Variants in SGCZ observed in about 807,000 individuals in gnomAD.
The protein encoded by SGCZ is zeta-sarcoglycan.
A neutral mutation model predicts 41.3 loss-of-function variants in SGCZ; 40 were observed. The ratio of observed to expected loss-of-function variants is 0.97; its 90% CI spans 0.75 to 1.26. The LOEUF is 1.26. SGCZ is among the 50% of genes most tolerant of loss of function. SGCZ has a pLI of 0.00. For synonymous variants in SGCZ, 206 were observed against 137.5 expected, an observed-to-expected ratio of 1.50 and a Z score of -3.49; for missense variants, 552 against 369.8, an observed-to-expected ratio of 1.49 and a Z score of -4.04.
At chr8:14,668,730 G>A (rs1235638300) in intron 1 of SGCZ, among the ~76,000 whole-genome samples, 1 of 152,178 alleles carries the variant, frequency 6.6e-6, no homozygotes, top group Non-Finnish European at 1.5e-5. Flanking sequence ...GAATTTATAT[G>A]AGGGGGTGAG....
chr8:15,167,150 A>G (rs1799689068), intron 1 of SGCZ, among the ~76,000 whole-genome samples: 1 of 152,234 alleles, frequency 6.6e-6, no homozygotes, highest in African/African-American at 2.4e-5. Context: ...AAATTTGGAA[A>G]CTATCTGTGA....
chr8:14,906,381 G>T (rs1261060360), intron 1 of SGCZ, among the ~76,000 whole-genome samples: 1 of 152,078 alleles, frequency 6.6e-6, no homozygotes, highest in African/African-American at 2.4e-5. Flanking sequence ...TTACAAAAGA[G>T]TAAAAGTCCA....
intron 1 of SGCZ, among the ~76,000 whole-genome samples, chr8:15,174,848 A>G (rs1799950472): frequency 6.6e-6 from 1 of 152,190 alleles, no homozygotes; most frequent in Non-Finnish European, 1.5e-5. Flanking sequence ...AAAACATAAC[A>G]CATGCTGGTA....
chr8:14,211,627 G>A (rs988619443), intron 4 of SGCZ, among the ~76,000 whole-genome samples: 1 of 151,644 alleles, frequency 6.6e-6, no homozygotes, highest in Non-Finnish European at 1.5e-5. Context: ...GGGCAGGGAA[G>A]CACGTCTTAC....
At chr8:15,122,660 T>G (rs951043418) in intron 1 of SGCZ, among the ~76,000 whole-genome samples, 2 of 152,198 alleles carry the variant, frequency 1.3e-5, no homozygotes, top group Admixed American at 1.3e-4. Flanking sequence ...CTTATTGATG[T>G]TATCTAATTT....
intron 1 of SGCZ, among the ~76,000 whole-genome samples, chr8:14,562,180 G>T (rs1180843740): frequency 6.6e-6 from 1 of 152,066 alleles, no homozygotes; most frequent in Non-Finnish European, 1.5e-5. Context: ...TAGTGCCCAG[G>T]AAATTTACTA....
At chr8:14,663,676 G>A (rs1002534637) in intron 1 of SGCZ, among the ~76,000 whole-genome samples, 2 of 152,012 alleles carry the variant, frequency 1.3e-5, no homozygotes, top group African/African-American at 4.8e-5. Flanking sequence ...TTTTTTCACA[G>A]GCTTATAGCC....
At chr8:14,135,165 A>G (rs1803158696) in intron 5 of SGCZ, among the ~76,000 whole-genome samples, 1 of 152,230 alleles carries the variant, frequency 6.6e-6, no homozygotes, top group Admixed American at 6.5e-5. Flanking sequence ...CCTAGAATAT[A>G]ATAGAGTACT....
Position 14,227,874 on chromosome 8 carries a change from G to T in SGCZ, c.424+9718C>A, listed in dbSNP as rs193252823. Among the ~76,000 whole-genome samples the T allele has an allele frequency of 7.2e-5, 11 of 152,098 alleles. No individual in the cohort carries two copies. The East Asian group carries it at 2.1e-3, about 29-fold the overall frequency. On this transcript the variant is annotated intron_variant, in intron 4 of 7. Transcript: ENST00000382080. ...AATAGACACAAAATCTAAAGTGAAA[G>T]TCAGGACAAAAACGTAACTGTAGTT...
chr8:14,893,373 G>C (rs1805086508), intron 1 of SGCZ, among the ~76,000 whole-genome samples: 1 of 152,226 alleles, frequency 6.6e-6, no homozygotes, highest in African/African-American at 2.4e-5. Context: ...AGTCCGATGA[G>C]AGCCACGTCA....
chr8:14,856,698 G>A (rs747149944), intron 1 of SGCZ, among the ~76,000 whole-genome samples: 1 of 152,136 alleles, frequency 6.6e-6, no homozygotes, highest in South Asian at 2.1e-4. Flanking sequence ...GAGTCACTGG[G>A]CAGGGGGCTT....
At chr8:14,955,645 A>G (rs1042360404) in intron 1 of SGCZ, among the ~76,000 whole-genome samples, 7 of 152,206 alleles carry the variant, frequency 4.6e-5, no homozygotes, top group Non-Finnish European at 8.8e-5. Flanking sequence ...GTTACTAAAA[A>G]GGTTGATTTT....
chr8:14,958,986 C>T (rs1800881125), intron 1 of SGCZ, among the ~76,000 whole-genome samples: 1 of 151,912 alleles, frequency 6.6e-6, no homozygotes, highest in Non-Finnish European at 1.5e-5. Context: ...AATGTTTGAA[C>T]AAAATAAAAC....
intron 1 of SGCZ, among the ~76,000 whole-genome samples, chr8:15,235,582 C>G (rs962869038): frequency 1.3e-5 from 2 of 152,196 alleles, no homozygotes; most frequent in Non-Finnish European, 2.9e-5. Context: ...TCTGGATTAT[C>G]TGTGCAGGAG....
At chr8:14,230,764 G>GGC (rs1806535534) in intron 4 of SGCZ, among the ~76,000 whole-genome samples, 1 of 77,104 alleles carries the variant, frequency 1.3e-5, no homozygotes, top group Non-Finnish European at 4.1e-5. Flanking sequence ...TTTTGGTGGT[G>GGC]GTGGGGGGGT....
intron 2 of SGCZ, among the ~76,000 whole-genome samples, chr8:14,345,482 G>C (rs886890028): frequency 6.6e-6 from 1 of 152,114 alleles, no homozygotes; most frequent in Non-Finnish European, 1.5e-5. Context: ...TATGGGTATA[G>C]GTTATGGAGA....
intron 1 of SGCZ, among the ~76,000 whole-genome samples, chr8:14,657,101 AG>A (rs1477899059): frequency 6.6e-6 from 1 of 152,044 alleles, no homozygotes; most frequent in African/African-American, 2.4e-5. Context: ...TAAATTAATG[AG>A]GTTTGTAAAT....
At chr8:14,626,593 C>A (rs1806462583) in intron 1 of SGCZ, among the ~76,000 whole-genome samples, 1 of 152,108 alleles carries the variant, frequency 6.6e-6, no homozygotes, top group Non-Finnish European at 1.5e-5. Flanking sequence ...TGGGCCCCCA[C>A]TCCAACATGA....
At chr8:15,110,739 C>T (rs1033274925) in intron 1 of SGCZ, among the ~76,000 whole-genome samples, 1 of 152,078 alleles carries the variant, frequency 6.6e-6, no homozygotes, top group African/African-American at 2.4e-5. Context: ...GAAGCCAAGG[C>T]GGGCGGATCA....
Sources: gnomAD v4.1 joint callset for allele counts (sites outside exome capture counted in the v4.1 genomes callset) on GRCh38, gnomAD v4.1.1 for gene constraint, MANE v1.5 for transcripts, NCBI Gene and HGNC (gene_info 2026-07-23, HGNC 2026-07-21) for gene names.